Variants in MGLL observed in about 807,000 individuals in gnomAD.
The protein encoded by MGLL is monoglyceride lipase.
Under a neutral mutation model 29.1 loss-of-function variants are expected in MGLL, and 7 were observed. The ratio of observed to expected loss-of-function variants is 0.24; its 90% CI spans 0.14 to 0.45. MGLL has a LOEUF of 0.45. Among genes scored for constraint, MGLL ranks in the 20% least tolerant of loss-of-function variants. The probability of loss-of-function intolerance (pLI) is 0.99; values close to 1 mark genes in which losing one functional copy is unlikely to be tolerated. For missense variants in MGLL, 356 were observed against 413.6 expected, an observed-to-expected ratio of 0.86 and a Z score of 1.21; for synonymous variants, 148 against 168.3, an observed-to-expected ratio of 0.88 and a Z score of 0.93.
chr3:127,734,263 G>A (rs995483250), intron 3 of MGLL, among the ~76,000 whole-genome samples: 1 of 152,214 alleles, frequency 6.6e-6, no homozygotes, highest in Non-Finnish European at 1.5e-5. Context: ...TGCTAACCTG[G>A]GACTGGTCTG....
At chr3:127,797,973 C>T (rs1284327024) in intron 2 of MGLL, among the ~76,000 whole-genome samples, 1 of 152,214 alleles carries the variant, frequency 6.6e-6, no homozygotes, top group African/African-American at 2.4e-5. Flanking sequence ...TAACCTTCAT[C>T]TCCAACTTTG....
intron 7 of MGLL, among the ~76,000 whole-genome samples, chr3:127,694,286 A>ATATATATATAT (rs1553752298): frequency 1.0e-5 from 1 of 97,906 alleles, no homozygotes; most frequent in Non-Finnish European, 1.9e-5. Flanking sequence ...AAAAAAAAAA[A>ATATATATATAT]ATATATATAT....
intron 2 of MGLL, among the ~76,000 whole-genome samples, chr3:127,818,768 CTCTGTTTCCTCA>C (rs2077806654): frequency 1.3e-5 from 2 of 152,262 alleles, no homozygotes; most frequent in African/African-American, 4.8e-5. Flanking sequence ...AACATTGGAC[CTCTGTTTCCTCA>C]TCTGTAAAAT....
chr3:127,696,487 C>T (rs2075368940), intron 6 of MGLL, among the ~76,000 whole-genome samples: 1 of 135,454 alleles, frequency 7.4e-6, no homozygotes, highest in South Asian at 2.4e-4. Flanking sequence ...GATCTTGGCT[C>T]GCTGCAGCCT....
At chr3:127,697,358 C>T (rs1338907035) in intron 6 of MGLL, among the ~76,000 whole-genome samples, 1 of 152,252 alleles carries the variant, frequency 6.6e-6, no homozygotes, top group Non-Finnish European at 1.5e-5. Flanking sequence ...ATAGCTACAT[C>T]TGAGCTCTGG....
chr3:127,772,039 A>C (rs1433784434), intron 3 of MGLL, among the ~76,000 whole-genome samples: 1 of 152,190 alleles, frequency 6.6e-6, no homozygotes, highest in African/African-American at 2.4e-5. Flanking sequence ...CCGTCCCTCA[A>C]AAAGCAAAAG....
intron 5 of MGLL, among the ~76,000 whole-genome samples, chr3:127,717,935 T>C (rs2075846964): frequency 6.6e-6 from 1 of 152,192 alleles, no homozygotes; most frequent in Admixed American, 6.5e-5. Flanking sequence ...AATAGCCAGA[T>C]TTGTTCAGAT....
intron 3 of MGLL, among the ~76,000 whole-genome samples, chr3:127,742,861 C>G (rs1464184867): frequency 6.6e-6 from 1 of 152,228 alleles, no homozygotes; most frequent in Non-Finnish European, 1.5e-5. Flanking sequence ...TGTCACCAGG[C>G]TGGTGTGCAG....
Position 127,692,113 on chromosome 3 carries a change from TTTGG to T in MGLL, c.*81_*84del, listed in dbSNP as rs2075257602. On this transcript the variant is annotated 3_prime_UTR_variant, in exon 8 of 8. Coordinates refer to ENST00000265052, the MANE Select transcript of MGLL (RefSeq NM_007283.7). The stretch of plus-strand genomic sequence containing the variant: ...TTTCTGATTTTTTTTTTTTTTTTTT[TTTGG>T]CAAGCCATATCTGAGAAGCCATCTC... 4.9e-5 allele frequency: 42 copies of T among 849,578 alleles called. No homozygotes were observed. Among genetic ancestry groups the T allele is most frequent in the Non-Finnish European group, 5.7e-5 (34 of 593,186 alleles). The allele number at this position is 849,578 out of a possible 1,614,324, so 52.6% of individuals were successfully genotyped here.
At chr3:127,736,624 A>G (rs1165946588) in intron 3 of MGLL, among the ~76,000 whole-genome samples, 1 of 152,246 alleles carries the variant, frequency 6.6e-6, no homozygotes, top group African/African-American at 2.4e-5. Context: ...TTTGTTAAGC[A>G]CTTGCGGTAT....
chr3:127,726,180 GAAAGAAAAGAAAA>G (rs1194203053), intron 3 of MGLL, among the ~76,000 whole-genome samples: 43 of 51,388 alleles, frequency 8.4e-4, no homozygotes, highest in African/African-American at 2.6e-3. Context: ...AAGAAAGAAA[GAAAGAAAAGAAAA>G]GAAAGAAAGA....
At chr3:127,754,212 G>T (rs376154937) in intron 3 of MGLL, among the ~76,000 whole-genome samples, 1 of 152,138 alleles carries the variant, frequency 6.6e-6, no homozygotes, top group Non-Finnish European at 1.5e-5. Flanking sequence ...GTCACGACCC[G>T]CCAGGCACTG....
At position 127,736,162 on chromosome 3, in the gene MGLL, C is replaced by T. The variant is rs145061939; in HGVS notation, c.263-13596G>A. On this transcript the variant is annotated intron_variant, in intron 3 of 7. Coordinates refer to ENST00000265052, the MANE Select transcript of MGLL (RefSeq NM_007283.7). ...ATAAAAGTACAGACACCTGGCAACC[C>T]AAGTTTCACTTCTGCTGAAATTATT... 166 of 1,069,316 alleles carry T rather than the reference C, an allele frequency of 1.6e-4. 2 individuals are homozygous for T. In the East Asian group the frequency reaches 9.4e-3, roughly 61 times the overall value. The allele number at this position is 1,069,316 out of a possible 1,614,324, so 66.2% of individuals were successfully genotyped here. A position where few individuals can be genotyped will look rare whatever the true frequency, so the allele number is the denominator to read the frequency against.
chr3:127,701,854 C>A (rs1452516029), intron 6 of MGLL, among the ~76,000 whole-genome samples: 1 of 152,212 alleles, frequency 6.6e-6, no homozygotes, highest in Non-Finnish European at 1.5e-5. Flanking sequence ...GCCAGCAACC[C>A]TGTTCCTTCT....
chr3:127,733,419 A>G (rs1408056734), intron 3 of MGLL, among the ~76,000 whole-genome samples: 1 of 152,146 alleles, frequency 6.6e-6, no homozygotes, highest in Non-Finnish European at 1.5e-5. Flanking sequence ...ACTCGCTTTC[A>G]TGTTACTCTA....
At chr3:127,732,996 C>T (rs986326022) in intron 3 of MGLL, among the ~76,000 whole-genome samples, 13 of 152,106 alleles carry the variant, frequency 8.5e-5, no homozygotes, top group Non-Finnish European at 1.6e-4. Flanking sequence ...CCATCTTGAA[C>T]GGGGGCTGGG....
At chr3:127,748,387 A>C (rs954743208) in intron 3 of MGLL, among the ~76,000 whole-genome samples, 2 of 147,244 alleles carry the variant, frequency 1.4e-5, no homozygotes, top group African/African-American at 5.0e-5. Context: ...GGGAGGAGGG[A>C]GGGAGGGAGA....
At chr3:127,776,879 C>T (rs1356095560) in intron 3 of MGLL, among the ~76,000 whole-genome samples, 1 of 152,124 alleles carries the variant, frequency 6.6e-6, no homozygotes, top group Admixed American at 6.5e-5. Context: ...CTATGCTATG[C>T]AAAGATGATG....
At chr3:127,786,409 G>A (rs185824877) in intron 2 of MGLL, among the ~76,000 whole-genome samples, 92 of 152,370 alleles carry the variant, frequency 6.0e-4, no homozygotes, top group African/African-American at 2.2e-3. Flanking sequence ...AGGTTGCAGA[G>A]GAGGCTGGCT....
Sources: gnomAD v4.1 joint callset for allele counts (sites outside exome capture counted in the v4.1 genomes callset) on GRCh38, gnomAD v4.1.1 for gene constraint, MANE v1.5 for transcripts, NCBI Gene and HGNC (gene_info 2026-07-23, HGNC 2026-07-21) for gene names.